RBFOX1: variants seen among roughly 807,000 people sequenced by gnomAD.
RBFOX1 encodes RNA binding fox-1 homolog 1.
Under a neutral mutation model 57.7 loss-of-function variants are expected in RBFOX1, and 8 were observed. The observed-to-expected ratio is 0.14, with a 90% confidence interval of 0.08 to 0.25. RBFOX1 has a LOEUF of 0.25. Ranked by LOEUF, RBFOX1 falls within the 10% of genes least tolerant of loss-of-function variation. The pLI is 1.00. For synonymous variants in RBFOX1, 326 were observed against 222.4 expected (o/e 1.47, Z -4.15); for missense variants, 611 against 548.5 (o/e 1.11, Z -1.14).
chr16:7,180,001 C>G (rs991859854), intron 4 of RBFOX1, among the ~76,000 whole-genome samples: 3 of 152,008 alleles, frequency 2.0e-5, no homozygotes, highest in African/African-American at 7.3e-5. Context: ...CCTTAGACCC[C>G]CAAAGTGCTG....
intron 2 of RBFOX1, among the ~76,000 whole-genome samples, chr16:6,580,206 C>T (rs867285571): frequency 6.6e-6 from 1 of 152,180 alleles, no homozygotes; most frequent in Admixed American, 6.5e-5. Flanking sequence ...ATCTGCCCTC[C>T]TCAGCCTCCC....
chr16:6,731,946 T>C (rs148005980), intron 3 of RBFOX1, among the ~76,000 whole-genome samples: 70 of 152,310 alleles, frequency 4.6e-4, no homozygotes, highest in African/African-American at 1.6e-3. Flanking sequence ...AGGAGTAATG[T>C]ATGAAATTAG....
chr16:6,971,591 C>T (rs1327529967), intron 3 of RBFOX1, among the ~76,000 whole-genome samples: 1 of 151,958 alleles, frequency 6.6e-6, no homozygotes, highest in Non-Finnish European at 1.5e-5. Context: ...AGATCACCAG[C>T]TGTTACATGG....
At chr16:7,466,154 A>T (rs57254113) in intron 4 of RBFOX1, among the ~76,000 whole-genome samples, 2 of 152,194 alleles carry the variant, frequency 1.3e-5, no homozygotes, top group South Asian at 4.1e-4. Context: ...TGGGTCAGCA[A>T]TAGGATTCAA....
intron 2 of RBFOX1, among the ~76,000 whole-genome samples, chr16:6,496,651 C>T (rs1319390267): frequency 6.6e-6 from 1 of 152,144 alleles, no homozygotes. Context: ...TGGGGAAACA[C>T]ATCACAGCTA....
At chr16:6,025,569 A>T (rs4786075) in intron 1 of RBFOX1, among the ~76,000 whole-genome samples, 142,825 of 152,048 alleles carry the variant, frequency 0.94, 67,084 homozygotes, top group African/African-American at 0.95. Flanking sequence ...TTGACTGACA[A>T]GTCTCCTGGG....
intron 2 of RBFOX1, among the ~76,000 whole-genome samples, chr16:6,628,411 A>G (rs1056986050): frequency 6.6e-6 from 1 of 152,228 alleles, no homozygotes; most frequent in Admixed American, 6.5e-5. Context: ...TTGCAGATGT[A>G]TATGTATGAG....
chr16:5,368,600 C>T (rs74003895), intron 1 of RBFOX1, among the ~76,000 whole-genome samples: 1,820 of 152,278 alleles, frequency 0.012, 40 homozygotes, highest in African/African-American at 0.039. Flanking sequence ...CTGCACTACA[C>T]GGTTTCTTAA....
At chr16:7,288,006 T>C (rs1218819798) in intron 4 of RBFOX1, among the ~76,000 whole-genome samples, 1 of 152,128 alleles carries the variant, frequency 6.6e-6, no homozygotes, top group Non-Finnish European at 1.5e-5. Context: ...ATCTCGTGTG[T>C]ATTTGCTGGC....
At chr16:7,431,181 T>G (rs1460672310) in intron 4 of RBFOX1, 2 of 152,284 alleles carry the variant, frequency 1.3e-5, no homozygotes, top group Non-Finnish European at 2.9e-5. Flanking sequence ...ATTCCTTACC[T>G]TAACTCTAAC....
At chr16:6,347,669 A>G (rs943537421) in intron 2 of RBFOX1, among the ~76,000 whole-genome samples, 4 of 152,226 alleles carry the variant, frequency 2.6e-5, no homozygotes, top group Non-Finnish European at 5.9e-5. Flanking sequence ...ATGTCCCTGT[A>G]TATCAACAAT....
At chr16:5,549,069 A>T (rs1372044738) in intron 2 of RBFOX1, among the ~76,000 whole-genome samples, 1 of 152,228 alleles carries the variant, frequency 6.6e-6, no homozygotes, top group African/African-American at 2.4e-5. Context: ...AGTATTCTGA[A>T]AAGAGACATC....
intron 1 of RBFOX1, among the ~76,000 whole-genome samples, chr16:5,422,828 G>C (rs1335599637): frequency 7.2e-6 from 1 of 138,350 alleles, no homozygotes; most frequent in Non-Finnish European, 1.6e-5. Context: ...AGTGGGAGGA[G>C]GAGGGAGGAG....
At chr16:5,268,634 A>G (rs533651468) in intron 1 of RBFOX1, among the ~76,000 whole-genome samples, 1 of 152,332 alleles carries the variant, frequency 6.6e-6, no homozygotes, top group South Asian at 2.1e-4. Context: ...ACTGGGAGCC[A>G]TGTGCACTAG....
At chr16:7,388,900 C>A (rs1306959609) in intron 4 of RBFOX1, among the ~76,000 whole-genome samples, 1 of 152,000 alleles carries the variant, frequency 6.6e-6, no homozygotes, top group Admixed American at 6.6e-5. Context: ...TTTCAACTCA[C>A]GATGAGTTTA....
intron 2 of RBFOX1, among the ~76,000 whole-genome samples, chr16:5,508,097 G>A (rs1166095229): frequency 6.6e-6 from 1 of 152,184 alleles, no homozygotes; most frequent in Non-Finnish European, 1.5e-5. Flanking sequence ...GTTTTCTATT[G>A]CTATGGAACA....
chr16:7,547,516 A>C (rs138316862), intron 5 of RBFOX1, among the ~76,000 whole-genome samples: 1 of 152,348 alleles, frequency 6.6e-6, no homozygotes, highest in African/African-American at 2.4e-5. Context: ...GGGTTACTTA[A>C]AAGACCAACA....
chr16:7,052,856 A>T (rs115146505), intron 4 of RBFOX1, among the ~76,000 whole-genome samples: 86 of 152,270 alleles, frequency 5.6e-4, no homozygotes, highest in African/African-American at 2.0e-3. Context: ...TGAGATTTAG[A>T]TTATGATTGG....
chr16:7,080,048 A>G (rs1399573727), intron 4 of RBFOX1, among the ~76,000 whole-genome samples: 1 of 143,178 alleles, frequency 7.0e-6, no homozygotes, highest in African/African-American at 2.6e-5. Flanking sequence ...AGATGTATAT[A>G]TATATACATA....
Sources: gnomAD v4.1 joint callset for allele counts (sites outside exome capture counted in the v4.1 genomes callset) on GRCh38, gnomAD v4.1.1 for gene constraint, MANE v1.5 for transcripts, NCBI Gene and HGNC (gene_info 2026-07-23, HGNC 2026-07-21) for gene names.